The following SOD2 variants were observed in gnomAD, a reference collection of about 807,000 sequenced individuals.
The protein encoded by SOD2 is superoxide dismutase [Mn], mitochondrial.
In SOD2, 11 loss-of-function variants were observed where a neutral mutation model predicts 27.0. The ratio of observed to expected loss-of-function variants is 0.41; its 90% confidence interval spans 0.26 to 0.67. The LOEUF is 0.67. Ranked by LOEUF, SOD2 falls within the 30% of genes least tolerant of loss-of-function variation. The probability of loss-of-function intolerance (pLI) is 0.34; values close to 1 mark genes in which losing one functional copy is unlikely to be tolerated. For missense variants in SOD2, 250 were observed against 274.5 expected (o/e 0.91, Z 0.63); for synonymous variants, 105 against 103.0 (o/e 1.02, Z -0.12).
chr6:159,744,867 T>C (rs1016703539), intron 1 of SOD2, among the ~76,000 whole-genome samples: 6 of 152,182 alleles, frequency 3.9e-5, no homozygotes, highest in African/African-American at 1.4e-4. Context: ...TTTGTAGAGA[T>C]GAGGTCTTCC....
upstream of SOD2, among the ~76,000 whole-genome samples, chr6:159,729,073 A>T (rs1778404484): frequency 2.0e-5 from 3 of 152,236 alleles, no homozygotes; most frequent in Admixed American, 6.5e-5. Flanking sequence ...GGTAGAGATG[A>T]AACACAATGT....
chr6:159,685,243 T>TTC (rs1259720625), intron 3 of SOD2, among the ~76,000 whole-genome samples: 2 of 146,560 alleles, frequency 1.4e-5, no homozygotes, highest in East Asian at 1.9e-4. Context: ...TTTTTTTTTT[T>TTC]TCATTTTTTA....
At position 159,681,315 on chromosome 6, in the gene SOD2, G is replaced by C. The variant is rs1374105413; in HGVS notation, c.*1178C>G. ...CATAACAGTTTCAAACAATAGCCAG[G>C]GAAGTTAGAGTCACCTAGAGACATC... On this transcript the variant is annotated 3_prime_UTR_variant, in exon 5 of 5. Coordinates refer to ENST00000538183, the MANE Select transcript of SOD2 (RefSeq NM_000636.4). The C allele has an allele frequency of 1.3e-5, 2 of 151,876 alleles. No homozygotes were observed. The allele number at this position is 151,876 out of a possible 1,614,324, so 9.4% of individuals were successfully genotyped here.
At chr6:159,748,068 GA>G, upstream of SOD2, 1 of 1,225,744 alleles carries the variant, frequency 8.2e-7, no homozygotes, top group Non-Finnish European at 1.1e-6. This position sits in a 1 kb window ranked among gnomAD's most constrained non-coding sequence, Gnocchi z 5.6. Context: ...AGAATTTCAG[GA>G]TCAAAGAGGG....
rs1387690916 is a variant in SOD2 at position 159,674,982 on chromosome 6, G to C, written c.*7511C>G. ...ACAAACAGAGAGCCAAATCATGAGT[G>C]AACTCCCATTCACAACTGCCTCAAA... On this transcript the variant is annotated 3_prime_UTR_variant, in exon 5 of 5. Transcript: ENST00000538183. 1.3e-5 allele frequency: 2 copies of C among 152,110 alleles called. No homozygotes were observed. The highest frequency in any genetic ancestry group is 1.9e-4 in the East Asian group (1 of 5,190). 9.4% of individuals were successfully genotyped at this position (152,110 alleles called of 1,614,324 possible).
chr6:159,670,087 A>G lies in SOD2; in HGVS notation c.*12406T>C, dbSNP rs1779622728. 1 of 152,236 alleles carries G rather than the reference A, an allele frequency of 6.6e-6. No individual in the cohort carries two copies. Among genetic ancestry groups the G allele is most frequent in the Non-Finnish European group, 1.5e-5 (1 of 68,064 alleles). 9.4% of individuals were successfully genotyped at this position (152,236 alleles called of 1,614,324 possible). ...TCACACTGTAATCACAGCTCACTGT[A>G]GACTCCAACTCATGACCTCAAGGGA... On this transcript the variant is annotated 3_prime_UTR_variant, in exon 5 of 5. Transcript: ENST00000538183.
intron 3 of SOD2, among the ~76,000 whole-genome samples, 186 bp from the exon 4 acceptor site, chr6:159,685,219 C>CTTTTTTTTTTT (rs750824041): frequency 0.021 from 1,573 of 74,022 alleles, 11 homozygotes; most frequent in Admixed American, 0.03. Flanking sequence ...ATAACTTCAA[C>CTTTTTTTTTTT]TTTTTTTTTT....
chr6:159,762,254 C>A (rs1480770340), exon 1 of SOD2: 2 of 1,383,838 alleles, frequency 1.4e-6, no homozygotes, highest in Admixed American at 5.4e-5. Flanking sequence ...GCCGGTCAGG[C>A]CAAGCCGCGA....
At chr6:159,722,868 C>T (rs573302830) in intron 1 of SOD2, among the ~76,000 whole-genome samples, 1 of 152,272 alleles carries the variant, frequency 6.6e-6, no homozygotes, top group Non-Finnish European at 1.5e-5. Context: ...TAAATAATAA[C>T]TTCTATGACA....
At position 159,711,162 on chromosome 6, in the gene SOD2, T is replaced by C. The variant is rs372069807; in HGVS notation, c.-116+15967A>G. ...ACCACCTCCATAACCACCACTCACA[T>C]TGCTCTGATCACCATAACCACCTCC... On this transcript the variant is annotated intron_variant, in intron 1 of 2. Coordinates refer to the SOD2 transcript ENST00000401980. Among the ~76,000 whole-genome samples the C allele has an allele frequency of 1.8e-3, 102 of 56,204 alleles. 1 individual carries two copies. The highest frequency in any genetic ancestry group is 3.6e-3 in the African/African-American group (38 of 10,422). The allele number at this position is 56,204 out of a possible 152,430, so 36.9% of individuals were successfully genotyped here.
chr6:159,735,419 G>A (rs560943954), intron 1 of SOD2, among the ~76,000 whole-genome samples: 1 of 152,272 alleles, frequency 6.6e-6, no homozygotes, highest in East Asian at 1.9e-4. Flanking sequence ...GATTACAGTC[G>A]TGAGCCATCA....
exon 1 of SOD2, chr6:159,761,661 AC>A (rs776404057): frequency 7.3e-5 from 32 of 438,980 alleles, no homozygotes; most frequent in African/African-American, 5.9e-4. Context: ...AGTCTTTGTC[AC>A]CCCCCAGTCT....
intron 1 of SOD2, chr6:159,741,814 C>A (rs1000138692): frequency 3.5e-6 from 1 of 282,870 alleles, no homozygotes; most frequent in Non-Finnish European, 6.7e-6. Flanking sequence ...GTAGTGAGAC[C>A]CCATCTCTAC....
upstream of SOD2, chr6:159,727,386 G>T: frequency 8.2e-7 from 1 of 1,213,376 alleles, no homozygotes; most frequent in Non-Finnish European, 1.1e-6. Flanking sequence ...GCGGGAGGCG[G>T]GAGGCGGGAG....
At chr6:159,740,584 A>G (rs1779191772) in intron 1 of SOD2, among the ~76,000 whole-genome samples, 1 of 152,174 alleles carries the variant, frequency 6.6e-6, no homozygotes, top group African/African-American at 2.4e-5. Flanking sequence ...AATATTTGGT[A>G]AACTACGTGT....
Position 159,699,203 on chromosome 6 carries a change from T to C in SOD2, c.-115-6340A>G, listed in dbSNP as rs2114805316. On this transcript the variant is annotated intron_variant, in intron 1 of 2. Transcript: ENST00000401980. Reference sequence around the variant, plus strand: ...TTATCCCTATCTCCTCAAATCCTGATTGGCCTGCTGTCCCATCTCTTACAC... The same window carrying C: ...TTATCCCTATCTCCTCAAATCCTGACTGGCCTGCTGTCCCATCTCTTACAC... Among the ~76,000 whole-genome samples, 3 of 152,316 alleles carry C rather than the reference T, an allele frequency of 2.0e-5. No homozygotes were observed. The Middle Eastern group carries it at 0.01, about 518-fold the overall frequency.
At chr6:159,699,274 T>C (rs2114805405) in intron 1 of SOD2, among the ~76,000 whole-genome samples, 1 of 152,350 alleles carries the variant, frequency 6.6e-6, no homozygotes, top group African/African-American at 2.4e-5. Context: ...ATTGCTTCTA[T>C]GCCCTGACCT....
intron 1 of SOD2, among the ~76,000 whole-genome samples, chr6:159,723,504 T>C (rs1033091075): frequency 9.9e-5 from 15 of 152,222 alleles, no homozygotes; most frequent in African/African-American, 3.1e-4. Context: ...AGAGCTGGAA[T>C]CAGCCAGTTC....
chr6:159,727,423 G>A (rs1458095795), upstream of SOD2: 2 of 1,077,498 alleles, frequency 1.9e-6, no homozygotes, highest in Middle Eastern at 4.4e-4. Context: ...CTGGCCTGCG[G>A]CGCGTTCGGA....
Sources: allele counts gnomAD v4.1 joint callset (sites outside exome capture counted in the v4.1 genomes callset), GRCh38; gene constraint gnomAD v4.1.1; non-coding constraint Gnocchi (gnomAD v3.1); transcripts MANE v1.5; gene names NCBI Gene and HGNC (gene_info 2026-07-23, HGNC 2026-07-21).